PXDNL: variants seen among roughly 807,000 people sequenced by gnomAD.
PXDNL encodes the protein probable oxidoreductase PXDNL.
A neutral mutation model predicts 150.8 loss-of-function variants in PXDNL; 145 were observed. The ratio of observed to expected loss-of-function variants is 0.96; its 90% CI spans 0.84 to 1.10. The LOEUF is 1.10. Ranked by LOEUF, PXDNL falls within the 50% of genes least tolerant of loss-of-function variation. The pLI, the probability that PXDNL is intolerant of heterozygous loss-of-function variation, is 0.00. For synonymous variants in PXDNL, 757 were observed against 725.7 expected, an observed-to-expected ratio of 1.04 and a Z score of -0.69; for missense variants, 2,087 against 1,873.9, an observed-to-expected ratio of 1.11 and a Z score of -2.10.
chr8:51,584,961 G>A (rs1197952007), intron 3 of PXDNL, among the ~76,000 whole-genome samples: 1 of 152,126 alleles, frequency 6.6e-6, no homozygotes, highest in Non-Finnish European at 1.5e-5. Flanking sequence ...AGGTAAGGCA[G>A]CACAATGCGG....
At chr8:51,544,767 T>G (rs1286368264) in intron 4 of PXDNL, among the ~76,000 whole-genome samples, 1 of 152,196 alleles carries the variant, frequency 6.6e-6, no homozygotes, top group Non-Finnish European at 1.5e-5. Context: ...AATATTTATA[T>G]CTGTAGCAGG....
At chr8:51,429,195 G>GACATTACAA (rs1809188968) in intron 12 of PXDNL, among the ~76,000 whole-genome samples, 1 of 152,222 alleles carries the variant, frequency 6.6e-6, no homozygotes, top group Admixed American at 6.5e-5. Flanking sequence ...TGCAGGCAAG[G>GACATTACAA]ATGCAGGTAA....
At chr8:51,518,248 C>T (rs1811588366) in intron 4 of PXDNL, among the ~76,000 whole-genome samples, 1 of 152,160 alleles carries the variant, frequency 6.6e-6, no homozygotes, top group Non-Finnish European at 1.5e-5. Flanking sequence ...TCCAACTGGC[C>T]TATAAGAGCT....
chr8:51,424,428 A>T (rs1165343914), intron 13 of PXDNL, among the ~76,000 whole-genome samples: 1 of 152,102 alleles, frequency 6.6e-6, no homozygotes, highest in East Asian at 1.9e-4. Flanking sequence ...ATCATCTAAA[A>T]ACATCAAAAT....
At chr8:51,490,224 G>A (rs528332788) in intron 5 of PXDNL, among the ~76,000 whole-genome samples, 11 of 152,156 alleles carry the variant, frequency 7.2e-5, no homozygotes, top group African/African-American at 2.7e-4. Flanking sequence ...CTTTTATTAA[G>A]ACAATTATTT....
At chr8:51,361,346 G>A (rs1806731043) in intron 19 of PXDNL, among the ~76,000 whole-genome samples, 1 of 152,106 alleles carries the variant, frequency 6.6e-6, no homozygotes, top group African/African-American at 2.4e-5. Context: ...TTCAGCTTTT[G>A]CAAATTCACA....
intron 17 of PXDNL, among the ~76,000 whole-genome samples, chr8:51,404,114 T>C (rs1808361665): frequency 6.6e-6 from 1 of 152,202 alleles, no homozygotes; most frequent in Non-Finnish European, 1.5e-5. Context: ...GCCTCAGGAA[T>C]GAAGCTGCAT....
At chr8:51,368,945 G>A (rs1043832946) in intron 19 of PXDNL, among the ~76,000 whole-genome samples, 3 of 152,048 alleles carry the variant, frequency 2.0e-5, no homozygotes, top group Non-Finnish European at 2.9e-5. Flanking sequence ...GCAGTGAGCC[G>A]AGATTGCACC....
At chr8:51,696,688 CAG>C (rs1563509974) in intron 1 of PXDNL, among the ~76,000 whole-genome samples, 12 of 143,508 alleles carry the variant, frequency 8.4e-5, no homozygotes, top group Non-Finnish European at 1.4e-4. Flanking sequence ...TCCACACACA[CAG>C]GTCCACACAC....
rs377398900 is a variant in PXDNL, at chr8:51,680,815, CT to C, written c.165-26056del. Among the ~76,000 whole-genome samples the C allele has an allele frequency of 1.8e-3, 268 of 152,254 alleles. 1 individual carries two copies. The highest frequency in any genetic ancestry group is 6.2e-3 in the African/African-American group (259 of 41,544). On this transcript the variant is annotated intron_variant, in intron 1 of 22. Transcript: ENST00000356297. ...GTCAAATTGTTTCTGTCTCATAGGA[CT>C]GTTGTGAAGATATGTGATTAAGGGA...
At chr8:51,454,550 A>G (rs1438383762) in intron 9 of PXDNL, among the ~76,000 whole-genome samples, 1 of 152,204 alleles carries the variant, frequency 6.6e-6, no homozygotes, top group East Asian at 1.9e-4. Flanking sequence ...CCACTCTTAC[A>G]AATTCATAGG....
chr8:51,331,415 G>A (rs770299106), intron 21 of PXDNL, among the ~76,000 whole-genome samples: 9 of 152,144 alleles, frequency 5.9e-5, no homozygotes, highest in African/African-American at 1.9e-4. Context: ...GGATAAAACC[G>A]CACTGGAGAG....
rs1203913569 is a variant in PXDNL at position 51,659,873 on chromosome 8, T to TTATC, written c.165-5114_165-5113insGATA. Among the ~76,000 whole-genome samples the TTATC allele has an allele frequency of 1.1e-4, 16 of 143,040 alleles. No homozygotes were observed. The East Asian group carries it at 3.1e-3, about 28-fold the overall frequency. The allele number at this position is 143,040 out of a possible 152,430, so 93.8% of individuals were successfully genotyped here. A position where few individuals can be genotyped will look rare whatever the true frequency, so the allele number is the denominator to read the frequency against. ...CAAATTGCAGTATTTATTTATTTAT[T>TTATC]TATTTATTTATTTATTTATTTATTT... On this transcript the variant is annotated intron_variant, in intron 1 of 22. Transcript: ENST00000356297.
intron 5 of PXDNL, among the ~76,000 whole-genome samples, chr8:51,484,435 GA>G (rs34843728): frequency 1.0e-4 from 14 of 137,106 alleles, no homozygotes; most frequent in African/African-American, 2.2e-4. Context: ...ACTCTGTCTC[GA>G]AAAAAAAAAA....
At chr8:51,532,884 C>G (rs1250132744) in intron 4 of PXDNL, among the ~76,000 whole-genome samples, 1 of 152,144 alleles carries the variant, frequency 6.6e-6, no homozygotes, top group African/African-American at 2.4e-5. Context: ...TGCCTATACC[C>G]AAACATCTTG....
At chr8:51,739,760 C>T (rs1016664026) in intron 1 of PXDNL, among the ~76,000 whole-genome samples, 1 of 151,554 alleles carries the variant, frequency 6.6e-6, no homozygotes, top group Non-Finnish European at 1.5e-5. Flanking sequence ...CCTGTAGTCC[C>T]AGCTACTCAG....
At chr8:51,791,026 G>C (rs1331516350) in intron 1 of PXDNL, among the ~76,000 whole-genome samples, 1 of 152,042 alleles carries the variant, frequency 6.6e-6, no homozygotes, top group Non-Finnish European at 1.5e-5. Flanking sequence ...CATTCGAATA[G>C]TTCCTGGTAC....
At chr8:51,737,490 G>T (rs1374182981) in intron 1 of PXDNL, among the ~76,000 whole-genome samples, 1 of 152,194 alleles carries the variant, frequency 6.6e-6, no homozygotes, top group Non-Finnish European at 1.5e-5. Context: ...ATGAATAAAG[G>T]AATGAGCACC....
intron 1 of PXDNL, among the ~76,000 whole-genome samples, chr8:51,734,748 G>A (rs1816999895): frequency 6.6e-6 from 1 of 152,162 alleles, no homozygotes; most frequent in Admixed American, 6.5e-5. Flanking sequence ...AAAATTAAAA[G>A]ACAGTGTTAA....
Sources: gnomAD v4.1 joint callset for allele counts (sites outside exome capture counted in the v4.1 genomes callset) on GRCh38, gnomAD v4.1.1 for gene constraint, MANE v1.5 for transcripts, NCBI Gene and HGNC (gene_info 2026-07-23, HGNC 2026-07-21) for gene names.